Variants in ZFP14 observed in about 807,000 individuals in gnomAD.
ZFP14 encodes ZFP14 zinc finger protein, also known as zinc finger protein 14 homolog.
Under a neutral mutation model 54.5 loss-of-function variants are expected in ZFP14, and 22 were observed. The observed-to-expected ratio is 0.40, with a 90% CI of 0.29 to 0.58. The LOEUF (loss-of-function observed/expected upper bound fraction) is 0.58. ZFP14 is among the 20% of genes least tolerant of loss of function. ZFP14 has a pLI of 0.39. For synonymous variants in ZFP14, 159 were observed against 204.0 expected (o/e 0.78, Z 1.88); for missense variants, 470 against 637.8 (o/e 0.74, Z 2.83).
intron 2 of ZFP14, among the ~76,000 whole-genome samples, chr19:36,362,992 A>G (rs1392281284): frequency 6.6e-6 from 1 of 151,964 alleles, no homozygotes; most frequent in African/African-American, 2.4e-5. Context: ...TTTTAATTCA[A>G]TAAAATCTCG....
At chr19:36,347,939 C>A (rs922259969) in intron 4 of ZFP14, among the ~76,000 whole-genome samples, 3 of 151,650 alleles carry the variant, frequency 2.0e-5, no homozygotes, top group African/African-American at 7.3e-5. Context: ...GTGCCTGTAA[C>A]CCTAGCTACT....
chr19:36,362,086 A>G, intron 3 of ZFP14, 26 bp downstream of exon 3: 6 of 1,573,110 alleles, frequency 3.8e-6, no homozygotes, highest in Non-Finnish European at 4.3e-6. Flanking sequence ...GAGAAAGCTA[A>G]TATCATTTGG....
At chr19:36,342,785 T>C (rs1271923475) in intron 4 of ZFP14, among the ~76,000 whole-genome samples, 3 of 122,258 alleles carry the variant, frequency 2.5e-5, no homozygotes, top group African/African-American at 9.1e-5. Context: ...TTATTAATTT[T>C]CTTAAAACGG....
At position 36,339,532 on chromosome 19, in the gene ZFP14, C is replaced by G. The variant is rs2031269604; in HGVS notation, c.*692G>C. The G allele has an allele frequency of 6.6e-6, 1 of 152,220 alleles. No individual in the cohort carries two copies. The highest frequency in any genetic ancestry group is 2.1e-4 in the South Asian group (1 of 4,836). The allele number at this position is 152,220 out of a possible 1,614,324, so 9.4% of individuals were successfully genotyped here. A position where few individuals can be genotyped will look rare whatever the true frequency, so the allele number is the denominator to read the frequency against. ...TTCCATCTTGCTAGCAGACTGTCCT[C>G]CCTTTTGGCTTGCATGCCTTGATGA... On this transcript the variant is annotated 3_prime_UTR_variant, in exon 5 of 5. Coordinates refer to ENST00000270001, the MANE Select transcript of ZFP14 (RefSeq NM_020917.3).
intron 4 of ZFP14, among the ~76,000 whole-genome samples, chr19:36,356,553 C>G (rs1000608563): frequency 1.3e-5 from 2 of 152,082 alleles, no homozygotes; most frequent in African/African-American, 2.4e-5. Context: ...CAGGTAGCCT[C>G]GCAAAACCAC....
chr19:36,367,917 C>G lies in ZFP14; in HGVS notation c.-25G>C, dbSNP rs755520997. On this transcript the variant is annotated 5_prime_UTR_variant, in exon 2 of 5. Coordinates refer to ENST00000270001, the MANE Select transcript of ZFP14 (RefSeq NM_020917.3). ...TGGTTTTAGAACTGCAAAAACTGGT[C>G]AGTCCTTTTCAAGATTTCTCTGTTG... 6.2e-7 allele frequency: 1 copy of G among 1,605,882 alleles called. No homozygotes were observed. Among genetic ancestry groups the G allele is most frequent in the South Asian group, 1.1e-5 (1 of 89,284 alleles).
At position 36,367,829 on chromosome 19, in the gene ZFP14, T is replaced by A. The variant is rs1600083429; in HGVS notation, c.9+55A>T. 7 of 1,591,706 alleles carry A rather than the reference T, an allele frequency of 4.4e-6. No individual in the cohort carries two copies. In the South Asian group the frequency reaches 7.9e-5, roughly 18 times the overall value. ...TTTCAGAATAAAGAATGAATCTATA[T>A]ACATGATACAGAAATTGACAGTATT... On this transcript the variant is annotated intron_variant, in intron 2 of 4. Coordinates refer to ENST00000270001, the MANE Select transcript of ZFP14 (RefSeq NM_020917.3).
chr19:36,347,168 G>A (rs533476856), intron 4 of ZFP14, among the ~76,000 whole-genome samples: 6 of 152,152 alleles, frequency 3.9e-5, no homozygotes, highest in East Asian at 1.9e-4. Context: ...ATGACACTAC[G>A]GCAAGCTAAC....
At chr19:36,357,192 G>A (rs949130632) in intron 4 of ZFP14, among the ~76,000 whole-genome samples, 2 of 152,114 alleles carry the variant, frequency 1.3e-5, no homozygotes, top group Non-Finnish European at 2.9e-5. Flanking sequence ...ACAGGCGCAT[G>A]CCAAGACGCC....
In ZFP14 at chr19:36,341,606, A is replaced by G. The variant is rs536624476; in HGVS notation, c.236-16T>C. 18 of 1,539,072 alleles carry G rather than the reference A, an allele frequency of 1.2e-5. No homozygotes were observed. The highest frequency in any genetic ancestry group is 1.6e-5 in the Non-Finnish European group (18 of 1,149,154). On this transcript the variant is annotated splice_polypyrimidine_tract_variant and intron_variant, in intron 4 of 4. Transcript: ENST00000270001. The surrounding 1 kb of genome is among the most constrained non-coding windows in gnomAD (Gnocchi z 4.2). ...GACTCCAAATCTGAAAGAAAACAAG[A>G]AAGCAAATACATACTGTTTTCCTGT...
At chr19:36,343,522 G>T (rs1312314089) in intron 4 of ZFP14, among the ~76,000 whole-genome samples, 1 of 152,092 alleles carries the variant, frequency 6.6e-6, no homozygotes, top group Non-Finnish European at 1.5e-5. Context: ...CTTCACAAAG[G>T]CTAGTCCTGC....
Position 36,350,002 on chromosome 19 carries a change from A to G in ZFP14, c.236-8412T>C, listed in dbSNP as rs1300447642. On this transcript the variant is annotated intron_variant, in intron 4 of 4. Transcript: ENST00000270001. ...TGGTGAAACCCTGTCTCTACTAAAA[A>G]TACACACACAAAAAAGTAGCTGGGT... Among the ~76,000 whole-genome samples, 5 of 140,302 alleles carry G rather than the reference A, an allele frequency of 3.6e-5. 1 individual carries two copies. The highest frequency in any genetic ancestry group is 7.9e-5 in the Non-Finnish European group (5 of 63,670). The allele number at this position is 140,302 out of a possible 152,430, so 92.0% of individuals were successfully genotyped here.
At chr19:36,372,687 A>G (rs1052430738) in intron 1 of ZFP14, among the ~76,000 whole-genome samples, 2 of 152,210 alleles carry the variant, frequency 1.3e-5, no homozygotes, top group Admixed American at 1.3e-4. Flanking sequence ...TGATCTAGCA[A>G]TCACACTACT....
chr19:36,376,611 A>G (rs1246043878), intron 1 of ZFP14, among the ~76,000 whole-genome samples: 2 of 152,210 alleles, frequency 1.3e-5, no homozygotes, highest in African/African-American at 4.8e-5. Flanking sequence ...CTTGATTATC[A>G]ACAATTTACA....
At chr19:36,343,194 G>T (rs2031353963) in intron 4 of ZFP14, among the ~76,000 whole-genome samples, 1 of 152,142 alleles carries the variant, frequency 6.6e-6, no homozygotes, top group Non-Finnish European at 1.5e-5. Context: ...TTTTGTTCTT[G>T]TTTATATTCT....
At chr19:36,342,302 C>A (rs957312667) in intron 4 of ZFP14, among the ~76,000 whole-genome samples, 3 of 151,148 alleles carry the variant, frequency 2.0e-5, no homozygotes, top group Non-Finnish European at 4.4e-5. Context: ...TGCCTCAGCC[C>A]TCCTAGTAGC....
rs1179258668 is a variant in ZFP14, at chr19:36,340,938, A to G, written c.888T>C (p.Cys296=). The G allele has an allele frequency of 3.7e-6, 6 of 1,613,552 alleles. No homozygotes were observed. The highest frequency in any genetic ancestry group is 5.1e-6 in the Non-Finnish European group (6 of 1,179,860). ...GTCTCTGATGGCGTGTAAGGTGTGT[A>G]CACTGTCTAAAGGTCTTTCCACAGT... ...CKDCGKTFRQ[C]THLTRHQRLH... The change falls in exon 5 of 5, where the codon TGT becomes TGC. Residue 296 remains cysteine, a synonymous_variant. Transcript: ENST00000270001. The surrounding 1 kb of genome is among the most constrained non-coding windows in gnomAD (Gnocchi z 5.4).
chr19:36,345,034 G>A (rs889352302), intron 4 of ZFP14, among the ~76,000 whole-genome samples: 4 of 152,158 alleles, frequency 2.6e-5, no homozygotes, highest in Non-Finnish European at 5.9e-5. Context: ...AGGCCGAGGG[G>A]GCAGATCACC....
Position 36,362,250 on chromosome 19 carries a change from A to C in ZFP14, c.10-12T>G. The C allele has an allele frequency of 6.3e-7, 1 of 1,582,070 alleles. No homozygotes were observed. ...AATGTCACTGAACCCTGAAAAAACA[A>C]ACTCAGGTATTACTTGTGAAAATAA... is the stretch of plus-strand genomic sequence containing the variant. On this transcript the variant is annotated splice_polypyrimidine_tract_variant and intron_variant, in intron 2 of 4. Transcript: ENST00000270001.
Sources: gnomAD v4.1 joint callset for allele counts (sites outside exome capture counted in the v4.1 genomes callset) on GRCh38, gnomAD v4.1.1 for gene constraint, Gnocchi (gnomAD v3.1) non-coding constraint, MANE v1.5 for transcripts, NCBI Gene and HGNC (gene_info 2026-07-23, HGNC 2026-07-21) for gene names.